The following WDR44 variants were observed in gnomAD, a reference collection of about 807,000 sequenced individuals.
The protein encoded by WDR44 is WD repeat domain 44.
Under a neutral mutation model 65.7 loss-of-function variants are expected in WDR44, and 9 were observed. That is an observed-to-expected ratio of 0.14 (90% CI 0.08 to 0.24). The LOEUF (loss-of-function observed/expected upper bound fraction) is 0.24. Ranked by LOEUF, WDR44 falls within the 10% of genes least tolerant of loss-of-function variation. The pLI is 1.00. For missense variants in WDR44, 425 were observed against 670.9 expected (o/e 0.63, Z 4.05); for synonymous variants, 220 against 235.2 (o/e 0.94, Z 0.59).
At chrX:118,429,687 G>T (rs1412240973) in intron 12 of WDR44, among the ~76,000 whole-genome samples, 1 of 111,294 alleles carries the variant, frequency 9.0e-6, no homozygotes, top group Non-Finnish European at 1.9e-5. Flanking sequence ...TTATTTATTT[G>T]TTTGTTTTTG....
chrX:118,366,502 T>A (rs941421117), intron 1 of WDR44, among the ~76,000 whole-genome samples: 9 of 111,659 alleles, frequency 8.1e-5, no homozygotes, highest in Non-Finnish European at 1.7e-4. Context: ...CAACCTACTT[T>A]CTTCAACACA....
intron 2 of WDR44, among the ~76,000 whole-genome samples, chrX:118,379,284 G>T (rs1443826146): frequency 9.0e-6 from 1 of 111,021 alleles, no homozygotes; most frequent in Non-Finnish European, 1.9e-5. Context: ...ATATTTATAT[G>T]TATGTGTAAT....
Position 118,387,817 on chromosome X carries a change from T to A in WDR44, c.186+403T>A, listed in dbSNP as rs896335092. Among the ~76,000 whole-genome samples, 7 of 111,783 alleles carry A rather than the reference T, an allele frequency of 6.3e-5. No individual in the cohort carries two copies. In the Admixed American group the frequency reaches 6.7e-4, roughly 11 times the overall value. On this transcript the variant is annotated intron_variant, in intron 3 of 19. Transcript: ENST00000254029. ...TACCTGATACCTTTTAAAAAATTGA[T>A]GCTATGAAGCTTCAAAGGTTGGTTT...
intron 12 of WDR44, among the ~76,000 whole-genome samples, chrX:118,426,069 C>G (rs942747995): frequency 1.2e-4 from 13 of 111,345 alleles, no homozygotes; most frequent in African/African-American, 4.2e-4. Context: ...AGCAAGACTC[C>G]GTCTAAAAAA....
intron 17 of WDR44, 81 bp downstream of exon 17, chrX:118,442,761 T>C (rs1324494434): frequency 1.0e-5 from 8 of 765,694 alleles, no homozygotes; most frequent in East Asian, 3.2e-5. Context: ...CTATGCCTTA[T>C]GTTTAATGGG....
At chrX:118,376,529 A>T (rs2056661386) in intron 1 of WDR44, among the ~76,000 whole-genome samples, 1 of 111,069 alleles carries the variant, frequency 9.0e-6, no homozygotes, top group South Asian at 3.7e-4. Flanking sequence ...TGCATCATGT[A>T]ATCATTGGAT....
chrX:118,373,098 AAAC>A (rs201959120), intron 1 of WDR44, among the ~76,000 whole-genome samples: 4 of 110,562 alleles, frequency 3.6e-5, no homozygotes, highest in Admixed American at 1.9e-4. Context: ...TCAAAAAATA[AAAC>A]AACAACAACA....
intron 12 of WDR44, among the ~76,000 whole-genome samples, chrX:118,421,914 T>C (rs919809586): frequency 5.4e-5 from 6 of 111,906 alleles, no homozygotes; most frequent in Non-Finnish European, 9.4e-5. Context: ...GAATTGATAA[T>C]TGCATCAGAT....
At chrX:118,398,622 A>G in intron 8 of WDR44, 152 bp downstream of exon 8, 1 of 484,745 alleles carries the variant, frequency 2.1e-6, no homozygotes, top group East Asian at 3.8e-5. Flanking sequence ...ATGAAGTTGT[A>G]TTGATTAGTT....
chrX:118,441,331 G>T (rs1484851855), intron 14 of WDR44, 37 bp from the exon 15 acceptor site: 1 of 1,132,803 alleles, frequency 8.8e-7, no homozygotes, highest in Non-Finnish European at 1.2e-6. Context: ...TTCTTGATGT[G>T]GTAAAATGAA....
intron 12 of WDR44, among the ~76,000 whole-genome samples, chrX:118,412,555 A>G (rs773925953): frequency 9.0e-6 from 1 of 111,386 alleles, no homozygotes; most frequent in Non-Finnish European, 1.9e-5. Context: ...TAGAAACTGT[A>G]AAGATAAGCT....
intron 1 of WDR44, among the ~76,000 whole-genome samples, chrX:118,350,594 G>T (rs1045485022): frequency 5.4e-5 from 6 of 110,758 alleles, no homozygotes; most frequent in African/African-American, 1.6e-4. Flanking sequence ...TAACTTAATG[G>T]TATTTGGTAC....
chrX:118,431,699 C>G (rs1032254439), intron 12 of WDR44, among the ~76,000 whole-genome samples: 1 of 112,145 alleles, frequency 8.9e-6, no homozygotes, highest in Non-Finnish European at 1.9e-5. Flanking sequence ...TCCTACCTAC[C>G]TTTCCCTAAA....
At chrX:118,353,104 A>G (rs914542546) in intron 1 of WDR44, among the ~76,000 whole-genome samples, 1 of 112,204 alleles carries the variant, frequency 8.9e-6, no homozygotes, top group African/African-American at 3.2e-5. Flanking sequence ...TAATATCTAC[A>G]AACTTTCACA....
rs559742744 is a variant in WDR44 at position 118,440,463 on chromosome X, A to G, written c.1975-905A>G. 2.7e-5 allele frequency among the ~76,000 whole-genome samples: 3 copies of G among 111,404 alleles called. No individual in the cohort carries two copies. In the South Asian group the frequency reaches 1.1e-3, roughly 42 times the overall value. ...AATGATGAAGTAATTCTCTGTTGAC[A>G]TGGTGTTAGAGTTCCAAAAATGACT... On this transcript the variant is annotated intron_variant, in intron 14 of 19. Transcript: ENST00000254029.
At chrX:118,368,459 C>CTATATATATATATATATATA (rs757542334) in intron 1 of WDR44, among the ~76,000 whole-genome samples, 1,888 of 72,515 alleles carry the variant, frequency 0.026, 183 homozygotes, top group African/African-American at 0.081. Context: ...GAAATAGTGA[C>CTATATATATATATATATATA]TATATATATA....
chrX:118,372,158 A>G (rs757028721), intron 1 of WDR44, among the ~76,000 whole-genome samples: 13 of 110,755 alleles, frequency 1.2e-4, no homozygotes, highest in Non-Finnish European at 2.3e-4. Context: ...AAATTAGAGG[A>G]TATAATATTT....
chrX:118,400,330 G>A lies in WDR44; in HGVS notation c.1274+1860G>A, dbSNP rs537902328. Among the ~76,000 whole-genome samples the A allele has an allele frequency of 2.1e-4, 23 of 111,295 alleles. No homozygotes were observed. In the South Asian group the frequency reaches 8.7e-3, roughly 42 times the overall value. On this transcript the variant is annotated intron_variant, in intron 8 of 19. Transcript: ENST00000254029. ...GGCCCACCTGCAATGCATTAGAAAGGCTCTGAATGTATTAAAGAACCAAAA... is the reference window on the plus strand; with the variant it reads ...GGCCCACCTGCAATGCATTAGAAAGACTCTGAATGTATTAAAGAACCAAAA...
Position 118,389,405 on chromosome X carries a change from G to C in WDR44, c.186+1991G>C, listed in dbSNP as rs147971328. On this transcript the variant is annotated intron_variant, in intron 3 of 19. Coordinates refer to ENST00000254029, the MANE Select transcript of WDR44 (RefSeq NM_019045.5). Reference sequence around the variant, plus strand: ...CATGGAGGAGGTAGCATCTGAGCTGGTTCTTAATGAATGCATAAGATTTGG... The same window carrying C: ...CATGGAGGAGGTAGCATCTGAGCTGCTTCTTAATGAATGCATAAGATTTGG... Among the ~76,000 whole-genome samples the C allele has an allele frequency of 9.8e-5, 11 of 111,692 alleles. No homozygotes were observed. The South Asian group carries it at 1.9e-3, about 19-fold the overall frequency.
Sources: gnomAD v4.1 joint callset for allele counts (sites outside exome capture counted in the v4.1 genomes callset) on GRCh38, gnomAD v4.1.1 for gene constraint, MANE v1.5 for transcripts, NCBI Gene and HGNC (gene_info 2026-07-23, HGNC 2026-07-21) for gene names.